Variants in PAX6 observed in about 807,000 individuals in gnomAD.
The protein encoded by PAX6 is paired box 6.
Under a neutral mutation model 60.7 loss-of-function variants are expected in PAX6, and 7 were observed. The ratio of observed to expected loss-of-function variants is 0.12; its 90% CI spans 0.07 to 0.22. The LOEUF (loss-of-function observed/expected upper bound fraction) is 0.22. Ranked by LOEUF, PAX6 falls within the 10% of genes least tolerant of loss-of-function variation. PAX6 has a pLI of 1.00. For synonymous variants in PAX6, 208 were observed against 201.2 expected, an observed-to-expected ratio of 1.03 and a Z score of -0.29; for missense variants, 355 against 555.2, an observed-to-expected ratio of 0.64 and a Z score of 3.62.
chr11:31,790,665 G>A (rs1565186087), intron 13 of PAX6, 45 bp downstream of exon 13: 3 of 1,612,932 alleles, frequency 1.9e-6, no homozygotes, highest in Admixed American at 3.3e-5. Context: ...AACTTCTAGT[G>A]AAGAGAGATC....
At chr11:31,790,484 C>T (rs1367540778) in intron 13 of PAX6, 9 of 985,292 alleles carry the variant, frequency 9.1e-6, no homozygotes, top group Non-Finnish European at 1.1e-5. Context: ...TGTCTTCATA[C>T]ACAACTTTTG....
chr11:31,806,394 G>A lies in PAX6; in HGVS notation c.10+8C>T, dbSNP rs1224333055. 3 of 1,609,228 alleles carry A rather than the reference G, an allele frequency of 1.9e-6. No homozygotes were observed. Among genetic ancestry groups the A allele is most frequent in the East Asian group, 2.2e-5 (1 of 44,652 alleles). The stretch of plus-strand genomic sequence containing the variant: ...GCCCGAAGTCCCAGAAAGACCAGAG[G>A]CACTTACTGTTCTGCATGCTGGCTC... On this transcript the variant is annotated splice_region_variant and intron_variant, in intron 4 of 13. Coordinates refer to ENST00000640368, the MANE Select transcript of PAX6 (RefSeq NM_001368894.2).
upstream of PAX6, chr11:31,812,952 A>C (rs1470407185): frequency 2.0e-5 from 3 of 152,348 alleles, no homozygotes; most frequent in Admixed American, 6.5e-5. Flanking sequence ...GCCGGGCCAC[A>C]TGTGGGCCTC....
intron 12 of PAX6, 198 bp from the exon 13 acceptor site, chr11:31,791,058 C>G (rs1304954858): frequency 4.3e-6 from 3 of 700,426 alleles, no homozygotes; most frequent in Non-Finnish European, 7.7e-6. Flanking sequence ...TAGAAGAAAG[C>G]TGCCTATGTA....
rs1320220988 is a variant in PAX6, at chr11:31,789,256, ATACT to A, written c.*674_*677del. ...TTCTGAGGATTTCTAGGGAAGACAA[ATACT>A]TACATTTTGACATAAAACAAATTGG... On this transcript the variant is annotated 3_prime_UTR_variant, in exon 14 of 14. Coordinates refer to ENST00000640368, the MANE Select transcript of PAX6 (RefSeq NM_001368894.2). The A allele has an allele frequency of 2.8e-5, 6 of 216,820 alleles. No homozygotes were observed. The highest frequency in any genetic ancestry group is 4.5e-5 in the African/African-American group (2 of 44,536). The allele number at this position is 216,820 out of a possible 1,614,324, so 13.4% of individuals were successfully genotyped here.
At position 31,802,788 on chromosome 11, in the gene PAX6, C is replaced by G; in HGVS notation, c.57G>C (p.Arg19=). ...NQLGGVFVNG[R]PLPDSTRQKI... is the part of the protein sequence containing the mutation. ...TCTGCCGGGTGGAGTCCGGCAGTGG[C>G]CGCCCGTTGACAAAGACACCACCGA... Residue 19 remains arginine, a synonymous_variant, in exon 5 of 14, where the codon CGG becomes CGC. Transcript: ENST00000640368. 1.2e-6 allele frequency: 2 copies of G among 1,613,834 alleles called. No individual in the cohort carries two copies. Among genetic ancestry groups the G allele is most frequent in the Non-Finnish European group, 1.7e-6 (2 of 1,179,978 alleles).
chr11:31,793,304 G>C, intron 12 of PAX6, 134 bp downstream of exon 12: 1 of 768,878 alleles, frequency 1.3e-6, no homozygotes, highest in East Asian at 2.5e-5. Flanking sequence ...TCTCCGACTT[G>C]ACTGGTCAAG....
rs1302922749 is a variant in PAX6, at chr11:31,811,136, C to T, written c.-338G>A. ...ACACCTATGCTGATTGGTGATGGCT[C>T]AAGTGTGTTAATGTGTGTGTGCCGG... is the stretch of plus-strand genomic sequence containing the variant. On this transcript the variant is annotated 5_prime_UTR_variant, in exon 1 of 14. Transcript: ENST00000640368. The T allele has an allele frequency of 5.0e-6, 2 of 399,092 alleles. No homozygotes were observed. The highest frequency in any genetic ancestry group is 8.8e-6 in the Non-Finnish European group (2 of 226,240). The allele number at this position is 399,092 out of a possible 1,614,324, so 24.7% of individuals were successfully genotyped here. A position where few individuals can be genotyped will look rare whatever the true frequency, so the allele number is the denominator to read the frequency against.
At chr11:31,795,750 G>A (rs969656057) in intron 8 of PAX6, among the ~76,000 whole-genome samples, 2 of 152,256 alleles carry the variant, frequency 1.3e-5, no homozygotes, top group African/African-American at 4.8e-5. Context: ...TGTGCACTTG[G>A]GCTAGCTGGC....
Position 31,800,722 on chromosome 11 carries a change from C to T in PAX6, c.534G>A (p.Pro178=), listed in dbSNP as rs764207199. ...GSWGTRPGWY[P]GTSVPGQPTQ... is the part of the protein sequence containing the mutation. The stretch of plus-strand genomic sequence containing the variant: ...TAGGTTGCCCTGGCACCGAAGTCCC[C>T]GGATACCAACCAGGGCGGGTGCCCC... Residue 178 remains proline, a synonymous_variant, in exon 8 of 14, where the codon CCG becomes CCA. Transcript: ENST00000640368. 27 of 1,614,070 alleles carry T rather than the reference C, an allele frequency of 1.7e-5. No individual in the cohort carries two copies. Among genetic ancestry groups the T allele is most frequent in the Middle Eastern group, 1.6e-4 (1 of 6,084 alleles).
At chr11:31,800,436 AACAC>A (rs1953303667) in intron 8 of PAX6, 1 of 589,778 alleles carries the variant, frequency 1.7e-6, no homozygotes, top group Non-Finnish European at 3.1e-6. Context: ...GCTGCCCACA[AACAC>A]ACACACGCAC....
Position 31,806,078 on chromosome 11 carries a change from G to C in PAX6, c.10+324C>G, listed in dbSNP as rs917991621. On this transcript the variant is annotated intron_variant, in intron 4 of 13. Coordinates refer to ENST00000640368, the MANE Select transcript of PAX6 (RefSeq NM_001368894.2). The stretch of plus-strand genomic sequence containing the variant: ...CCTGATCAGCCCAGCCCCTCTCTCC[G>C]GGGTCAGAGCCCGGGCAGGGGCGAG... The C allele has an allele frequency of 1.2e-5, 5 of 415,332 alleles. No individual in the cohort carries two copies. The South Asian group carries it at 1.7e-4, about 14-fold the overall frequency. The allele number at this position is 415,332 out of a possible 1,614,324, so 25.7% of individuals were successfully genotyped here.
At chr11:31,808,684 A>G (rs943425895) in intron 2 of PAX6, 1 of 151,794 alleles carries the variant, frequency 6.6e-6, no homozygotes, top group African/African-American at 2.4e-5. Flanking sequence ...GGCCTCGTTG[A>G]TTAGTTTTCG....
intron 8 of PAX6, among the ~76,000 whole-genome samples, chr11:31,796,621 G>T (rs1375820364): frequency 4.8e-5 from 6 of 124,312 alleles, no homozygotes; most frequent in African/African-American, 1.8e-4. Flanking sequence ...GGGAAGGATT[G>T]GGGGGCCTGG....
At position 31,789,724 on chromosome 11, in the gene PAX6, G is replaced by A. The variant is rs1271801859; in HGVS notation, c.*210C>T. 1.4e-6 allele frequency: 1 copy of A among 705,256 alleles called. No homozygotes were observed. 43.7% of individuals were successfully genotyped at this position (705,256 alleles called of 1,614,324 possible). Reference sequence around the variant, plus strand: ...AGTTTGGATACCAAAATGAAGATTTGTTCCAACTGATATCGTGCCTTCTGT... The same window carrying A: ...AGTTTGGATACCAAAATGAAGATTTATTCCAACTGATATCGTGCCTTCTGT... On this transcript the variant is annotated 3_prime_UTR_variant, in exon 14 of 14. Coordinates refer to ENST00000640368, the MANE Select transcript of PAX6 (RefSeq NM_001368894.2).
chr11:31,800,604 G>A (rs1268965705), intron 8 of PAX6, 87 bp downstream of exon 8: 7 of 1,472,574 alleles, frequency 4.8e-6, no homozygotes, highest in Middle Eastern at 2.2e-4. Context: ...AAGCATGGAA[G>A]CCCTGAGAGG....
At chr11:31,815,142 G>A (rs1957317898), upstream of PAX6, among the ~76,000 whole-genome samples, 1 of 152,082 alleles carries the variant, frequency 6.6e-6, no homozygotes, top group Non-Finnish European at 1.5e-5. Flanking sequence ...GACTCCCAAG[G>A]CTTTGCCTCC....
chr11:31,798,789 C>T (rs1952535709), intron 8 of PAX6, among the ~76,000 whole-genome samples: 1 of 152,254 alleles, frequency 6.6e-6, no homozygotes, highest in Non-Finnish European at 1.5e-5. Context: ...GCTGATTTGA[C>T]TCTCACTTCC....
At chr11:31,816,533 T>A (rs1462804667) in intron 1 of PAX6, 1 of 702,470 alleles carries the variant, frequency 1.4e-6, no homozygotes, top group Non-Finnish European at 2.6e-6. Flanking sequence ...TGGCTGGGTT[T>A]GATTTATGAC....
Sources: gnomAD v4.1 joint callset for allele counts (sites outside exome capture counted in the v4.1 genomes callset) on GRCh38, gnomAD v4.1.1 for gene constraint, MANE v1.5 for transcripts, NCBI Gene and HGNC (gene_info 2026-07-23, HGNC 2026-07-21) for gene names.